NPSR1: variants seen among roughly 807,000 people sequenced by gnomAD.
NPSR1 encodes neuropeptide S receptor 1.
Under a neutral mutation model 46.9 loss-of-function variants are expected in NPSR1, and 48 were observed. The observed-to-expected ratio is 1.02, with a 90% CI of 0.81 to 1.30. The LOEUF (loss-of-function observed/expected upper bound fraction) is 1.30. Ranked by LOEUF, NPSR1 falls within the 50% of genes most tolerant of loss-of-function variation. NPSR1 has a pLI of 0.00. For missense variants in NPSR1, 450 were observed against 449.5 expected, an observed-to-expected ratio of 1.00 and a Z score of -0.01; for synonymous variants, 176 against 168.1, an observed-to-expected ratio of 1.05 and a Z score of -0.36.
intron 2 of NPSR1, among the ~76,000 whole-genome samples, chr7:34,745,128 T>C (rs1785140015): frequency 6.6e-6 from 1 of 152,210 alleles, no homozygotes; most frequent in African/African-American, 2.4e-5. Flanking sequence ...ACAACTATAT[T>C]GGCATCCTTT....
At chr7:34,864,240 G>A (rs1022334715) in intron 8 of NPSR1, among the ~76,000 whole-genome samples, 8 of 151,624 alleles carry the variant, frequency 5.3e-5, no homozygotes, top group Non-Finnish European at 1.2e-4. Flanking sequence ...AGGGCTAGGG[G>A]AGGGATAGCA....
intron 2 of NPSR1, among the ~76,000 whole-genome samples, chr7:34,732,076 T>C (rs1444797488): frequency 5.4e-5 from 4 of 73,630 alleles, no homozygotes; most frequent in South Asian, 8.8e-4. Flanking sequence ...TGAGACTTCA[T>C]CTCAAAAAAA....
At chr7:34,664,435 G>C (rs1229573093) in intron 1 of NPSR1, among the ~76,000 whole-genome samples, 4 of 152,078 alleles carry the variant, frequency 2.6e-5, no homozygotes, top group Admixed American at 6.5e-5. Flanking sequence ...CCAGGAATTC[G>C]TCATTCCACT....
intron 1 of NPSR1, among the ~76,000 whole-genome samples, chr7:34,678,218 C>CT (rs869140156): frequency 0.014 from 1,455 of 100,672 alleles, 28 homozygotes; most frequent in East Asian, 0.055. Context: ...CTTTGCAATT[C>CT]TTTTTTTTTT....
rs533649792 is a variant in NPSR1 at position 34,778,397 on chromosome 7, C to G, written c.281-65C>G. ...GGATTTCATTTCTATTGTGGCTTAG[C>G]TGCAAATTTGAAAAATAAAAATAAA... On this transcript the variant is annotated intron_variant, in intron 2 of 8. Transcript: ENST00000360581. 97 of 961,092 alleles carry G rather than the reference C, an allele frequency of 1.0e-4. 1 individual carries two copies. Among genetic ancestry groups the G allele is most frequent in the Admixed American group, 2.4e-4 (10 of 41,956 alleles). The allele number at this position is 961,092 out of a possible 1,614,324, so 59.5% of individuals were successfully genotyped here.
At chr7:34,833,746 G>A (rs1790230373) in intron 5 of NPSR1, among the ~76,000 whole-genome samples, 1 of 152,254 alleles carries the variant, frequency 6.6e-6, no homozygotes, top group African/African-American at 2.4e-5. Context: ...GGGGTCATCA[G>A]AGGCTGGACT....
In NPSR1 at chr7:34,669,424, G is replaced by A. The variant is rs566654646; in HGVS notation, c.147+10865G>A. On this transcript the variant is annotated intron_variant, in intron 1 of 8. Transcript: ENST00000360581. Reference sequence around the variant, plus strand: ...CTAAAAATACAAAAATTAGCCAGGCGTGGTGGCAGGTGCCTGCAGTCCCAG... The same window carrying A: ...CTAAAAATACAAAAATTAGCCAGGCATGGTGGCAGGTGCCTGCAGTCCCAG... 1.2e-4 allele frequency among the ~76,000 whole-genome samples: 19 copies of A among 152,162 alleles called. No individual in the cohort carries two copies. In the South Asian group the frequency reaches 1.7e-3, roughly 13 times the overall value.
chr7:34,809,923 G>A lies in NPSR1; in HGVS notation c.385-1847G>A, dbSNP rs535776460. On this transcript the variant is annotated intron_variant, in intron 3 of 8. Coordinates refer to ENST00000360581, the MANE Select transcript of NPSR1 (RefSeq NM_207172.2). Reference sequence around the variant, plus strand: ...CTTGCATTAGTTTGCTGAAGATAATGCCCTCCATCCATGTCCATCCATGTC... The same window carrying A: ...CTTGCATTAGTTTGCTGAAGATAATACCCTCCATCCATGTCCATCCATGTC... Among the ~76,000 whole-genome samples, 4 of 152,200 alleles carry A rather than the reference G, an allele frequency of 2.6e-5. No individual in the cohort carries two copies. The South Asian group carries it at 6.2e-4, about 24-fold the overall frequency.
intron 2 of NPSR1, among the ~76,000 whole-genome samples, chr7:34,698,697 T>TC (rs1332757565): frequency 6.6e-6 from 1 of 152,194 alleles, no homozygotes; most frequent in Non-Finnish European, 1.5e-5. Context: ...ATATTAATCT[T>TC]TACTGGTGGA....
chr7:34,739,272 G>A (rs1249891533), intron 2 of NPSR1, among the ~76,000 whole-genome samples: 3 of 151,946 alleles, frequency 2.0e-5, no homozygotes, highest in South Asian at 2.1e-4. Context: ...AAAATTGCTG[G>A]GTCATATGAT....
chr7:34,789,972 C>T lies in NPSR1; in HGVS notation c.384+11407C>T, dbSNP rs367558245. ...TAGAGAAGAACTAATAGCAATCTTT[C>T]TCAAAGTCTTCCCCCAAAAAAGTGA... is the stretch of plus-strand genomic sequence containing the variant. On this transcript the variant is annotated intron_variant, in intron 3 of 8. Coordinates refer to ENST00000360581, the MANE Select transcript of NPSR1 (RefSeq NM_207172.2). Among the ~76,000 whole-genome samples, 3 of 152,076 alleles carry T rather than the reference C, an allele frequency of 2.0e-5. No individual in the cohort carries two copies. In the South Asian group the frequency reaches 6.2e-4, roughly 32 times the overall value.
At chr7:34,865,029 C>G (rs1163704783) in intron 8 of NPSR1, among the ~76,000 whole-genome samples, 1 of 151,794 alleles carries the variant, frequency 6.6e-6, no homozygotes, top group Non-Finnish European at 1.5e-5. Flanking sequence ...AAAAATTTCT[C>G]AAGTGTGTTT....
At chr7:34,699,127 A>G (rs1251803787) in intron 2 of NPSR1, among the ~76,000 whole-genome samples, 1 of 152,162 alleles carries the variant, frequency 6.6e-6, no homozygotes, top group Non-Finnish European at 1.5e-5. Flanking sequence ...CTCTATTAGG[A>G]TGATATTAAA....
chr7:34,707,206 C>T (rs550544163), intron 2 of NPSR1, among the ~76,000 whole-genome samples: 15 of 152,258 alleles, frequency 9.9e-5, no homozygotes, highest in African/African-American at 3.1e-4. Flanking sequence ...GGGTTATCTC[C>T]ATGATCTTTA....
At chr7:34,698,993 G>A (rs1793682503) in intron 2 of NPSR1, among the ~76,000 whole-genome samples, 1 of 152,128 alleles carries the variant, frequency 6.6e-6, no homozygotes, top group South Asian at 2.1e-4. Flanking sequence ...ATTTTCAGAT[G>A]ACCATCTGAT....
chr7:34,822,213 T>C (rs1409932113), intron 4 of NPSR1, among the ~76,000 whole-genome samples: 1 of 152,128 alleles, frequency 6.6e-6, no homozygotes, highest in African/African-American at 2.4e-5. Flanking sequence ...GTCATTTTAG[T>C]ACCGCAGCTT....
At chr7:34,723,070 CTG>C (rs1272083520) in intron 2 of NPSR1, among the ~76,000 whole-genome samples, 2 of 152,164 alleles carry the variant, frequency 1.3e-5, no homozygotes, top group African/African-American at 4.8e-5. Context: ...CCTCTGGAAA[CTG>C]TGAACAAATT....
chr7:34,658,245 T>C lies in NPSR1; in HGVS notation c.-168T>C. 1 of 669,896 alleles carries C rather than the reference T, an allele frequency of 1.5e-6. No homozygotes were observed. The highest frequency in any genetic ancestry group is 2.5e-6 in the Non-Finnish European group (1 of 398,738). The allele number at this position is 669,896 out of a possible 1,614,324, so 41.5% of individuals were successfully genotyped here. On this transcript the variant is annotated 5_prime_UTR_variant, in exon 1 of 9. Coordinates refer to ENST00000360581, the MANE Select transcript of NPSR1 (RefSeq NM_207172.2). Reference sequence around the variant, plus strand: ...TAATTGCCAAGGAGAGAGCAGCACGTAGATCCTCCCTGTCATCAGGCAGAG... The same window carrying C: ...TAATTGCCAAGGAGAGAGCAGCACGCAGATCCTCCCTGTCATCAGGCAGAG...
At chr7:34,690,270 TA>T (rs70997602) in intron 2 of NPSR1, among the ~76,000 whole-genome samples, 20,593 of 150,602 alleles carry the variant, frequency 0.14, 1,561 homozygotes, top group African/African-American at 0.2. Flanking sequence ...AAAGCAAATT[TA>T]AAAAAAAATA....
Sources: allele counts gnomAD v4.1 joint callset (sites outside exome capture counted in the v4.1 genomes callset), GRCh38; gene constraint gnomAD v4.1.1; transcripts MANE v1.5; gene names NCBI Gene and HGNC (gene_info 2026-07-23, HGNC 2026-07-21).